Variants in FAM135B observed in about 807,000 individuals in gnomAD.
FAM135B encodes family with sequence similarity 135 member B.
A neutral mutation model predicts 127.7 loss-of-function variants in FAM135B; 43 were observed. That is an observed-to-expected ratio of 0.34 (90% CI 0.26 to 0.43). The LOEUF (loss-of-function observed/expected upper bound fraction) is 0.43. Among genes scored for constraint, FAM135B ranks in the 20% least tolerant of loss-of-function variants. FAM135B has a pLI of 1.00. For synonymous variants in FAM135B, 670 were observed against 665.1 expected, an observed-to-expected ratio of 1.01 and a Z score of -0.11; for missense variants, 1,558 against 1,725.6, an observed-to-expected ratio of 0.90 and a Z score of 1.72.
chr8:138,318,216 G>A (rs1455533133), intron 2 of FAM135B, among the ~76,000 whole-genome samples: 1 of 152,134 alleles, frequency 6.6e-6, no homozygotes, highest in Admixed American at 6.5e-5. Flanking sequence ...AATACAAGAT[G>A]TTACTTTTAG....
chr8:138,162,732 A>G (rs970327723), intron 12 of FAM135B, among the ~76,000 whole-genome samples: 6 of 152,266 alleles, frequency 3.9e-5, no homozygotes, highest in South Asian at 4.1e-4. Flanking sequence ...GCATGGGCAA[A>G]GGCCCAGAAG....
At chr8:138,364,126 T>C (rs1042706212) in intron 2 of FAM135B, among the ~76,000 whole-genome samples, 1 of 152,204 alleles carries the variant, frequency 6.6e-6, no homozygotes, top group Non-Finnish European at 1.5e-5. Flanking sequence ...CAGGCTTGGA[T>C]TGTAGCCATG....
chr8:138,477,472 C>A (rs958409359), intron 1 of FAM135B: 41 of 152,186 alleles, frequency 2.7e-4, no homozygotes, highest in African/African-American at 9.9e-4. Flanking sequence ...ATGTTTTCAT[C>A]ATCTGTTTGT....
rs1820969890 is a variant in FAM135B, at chr8:138,243,123, C to T, written c.543-55G>A. On this transcript the variant is annotated intron_variant, in intron 6 of 19. Coordinates refer to ENST00000395297, the MANE Select transcript of FAM135B (RefSeq NM_015912.4). The surrounding 1 kb of genome is among the most constrained non-coding windows in gnomAD (Gnocchi z 7.5). ...AAGGAGGTAAAGAAAGTGATGGTGCCATTAACTCAGCCCCTTTGAGGAGTG... is the reference window on the plus strand; with the variant it reads ...AAGGAGGTAAAGAAAGTGATGGTGCTATTAACTCAGCCCCTTTGAGGAGTG... 2 of 1,564,560 alleles carry T rather than the reference C, an allele frequency of 1.3e-6. No homozygotes were observed. Among genetic ancestry groups the T allele is most frequent in the Non-Finnish European group, 1.7e-6 (2 of 1,156,702 alleles).
chr8:138,424,908 G>T (rs1004650827), intron 1 of FAM135B, among the ~76,000 whole-genome samples: 2 of 152,174 alleles, frequency 1.3e-5, no homozygotes, highest in South Asian at 2.1e-4. Context: ...TATGAATATT[G>T]TTCATTCCTC....
chr8:138,137,564 A>G (rs1019172345), intron 18 of FAM135B, among the ~76,000 whole-genome samples: 1 of 152,176 alleles, frequency 6.6e-6, no homozygotes, highest in African/African-American at 2.4e-5. Flanking sequence ...ACACACAGAA[A>G]GCTACTCTGG....
At chr8:138,339,604 C>G (rs1342516469) in intron 2 of FAM135B, among the ~76,000 whole-genome samples, 1 of 152,104 alleles carries the variant, frequency 6.6e-6, no homozygotes, top group Non-Finnish European at 1.5e-5. Context: ...TTTGACAAAA[C>G]TGGGACACAG....
At chr8:138,192,700 C>T (rs1310229730) in intron 9 of FAM135B, among the ~76,000 whole-genome samples, 1 of 152,150 alleles carries the variant, frequency 6.6e-6, no homozygotes, top group Non-Finnish European at 1.5e-5. Flanking sequence ...CTCACTGGCC[C>T]CTACTCAGCA....
intron 1 of FAM135B, among the ~76,000 whole-genome samples, chr8:138,436,471 G>T (rs748393924): frequency 6.6e-6 from 1 of 152,186 alleles, no homozygotes; most frequent in African/African-American, 2.4e-5. Context: ...AGGAATCAAA[G>T]TGTCTGCTTG....
chr8:138,381,161 A>G (rs1020927941), intron 1 of FAM135B, among the ~76,000 whole-genome samples: 1 of 152,146 alleles, frequency 6.6e-6, no homozygotes, highest in African/African-American at 2.4e-5. Flanking sequence ...ATCATAATCT[A>G]AATCCTTAGC....
chr8:138,376,240 G>A (rs1831464044), intron 1 of FAM135B, among the ~76,000 whole-genome samples: 2 of 152,072 alleles, frequency 1.3e-5, no homozygotes, highest in Admixed American at 1.3e-4. Context: ...ATTGCACCTG[G>A]CCCAGGGCCC....
chr8:138,173,010 G>A (rs1820596945), intron 11 of FAM135B, among the ~76,000 whole-genome samples: 1 of 152,130 alleles, frequency 6.6e-6, no homozygotes, highest in Non-Finnish European at 1.5e-5. Flanking sequence ...TCAGCACATG[G>A]TCACCTCCTC....
intron 2 of FAM135B, among the ~76,000 whole-genome samples, chr8:138,335,136 T>C (rs1828471948): frequency 6.6e-6 from 1 of 152,158 alleles, no homozygotes; most frequent in African/African-American, 2.4e-5. Context: ...GTAATACAGA[T>C]ATCAGAAAGT....
intron 4 of FAM135B, among the ~76,000 whole-genome samples, chr8:138,264,597 G>A (rs541705838): frequency 6.6e-6 from 1 of 152,236 alleles, no homozygotes; most frequent in South Asian, 2.1e-4. Context: ...TAGAAAACAA[G>A]TCCAAAATGC....
intron 1 of FAM135B, among the ~76,000 whole-genome samples, chr8:138,429,819 T>C (rs1835097691): frequency 6.6e-6 from 1 of 152,136 alleles, no homozygotes; most frequent in Admixed American, 6.6e-5. Context: ...TAGAACTATG[T>C]TTTTTTAACA....
At chr8:138,268,498 C>G (rs1018636739) in intron 3 of FAM135B, among the ~76,000 whole-genome samples, 1 of 152,112 alleles carries the variant, frequency 6.6e-6, no homozygotes, top group African/African-American at 2.4e-5. Flanking sequence ...AATAGGGCAT[C>G]GCATAGAACA....
At chr8:138,303,151 C>G (rs896646210) in intron 3 of FAM135B, among the ~76,000 whole-genome samples, 3 of 152,156 alleles carry the variant, frequency 2.0e-5, no homozygotes, top group Non-Finnish European at 4.4e-5. Context: ...TTTATCGCAG[C>G]ACTATTTACA....
intron 12 of FAM135B, among the ~76,000 whole-genome samples, chr8:138,162,971 G>A (rs902108531): frequency 1.3e-5 from 2 of 152,228 alleles, no homozygotes; most frequent in African/African-American, 2.4e-5. Context: ...AACAGAAAGT[G>A]CAGAAAGTAA....
chr8:138,143,495 A>T (rs1817392854), intron 15 of FAM135B, among the ~76,000 whole-genome samples: 1 of 152,130 alleles, frequency 6.6e-6, no homozygotes, highest in South Asian at 2.1e-4. Context: ...TCACACCAAG[A>T]CAGGCCTGAA....
Sources: allele counts gnomAD v4.1 joint callset (sites outside exome capture counted in the v4.1 genomes callset), GRCh38; gene constraint gnomAD v4.1.1; non-coding constraint Gnocchi (gnomAD v3.1); transcripts MANE v1.5; gene names NCBI Gene and HGNC (gene_info 2026-07-23, HGNC 2026-07-21).